Variants in DDX19A observed in about 807,000 individuals in gnomAD.
The protein encoded by DDX19A is ATP-dependent RNA helicase DDX19A.
A neutral mutation model predicts 60.6 loss-of-function variants in DDX19A; 12 were observed. The observed-to-expected ratio is 0.20, with a 90% CI of 0.13 to 0.32. The LOEUF (loss-of-function observed/expected upper bound fraction) is 0.32. Ranked by LOEUF, DDX19A falls within the 10% of genes least tolerant of loss-of-function variation. The pLI is 1.00. For synonymous variants in DDX19A, 206 were observed against 218.2 expected (o/e 0.94, Z 0.49); for missense variants, 337 against 600.6 (o/e 0.56, Z 4.59).
intron 1 of DDX19A, among the ~76,000 whole-genome samples, chr16:70,349,711 G>A (rs969913277): frequency 5.9e-5 from 9 of 152,164 alleles, no homozygotes; most frequent in Non-Finnish European, 8.8e-5. Context: ...AAAATCTAGC[G>A]TTTAGCATCA....
At chr16:70,349,353 A>G (rs1223749652) in intron 1 of DDX19A, among the ~76,000 whole-genome samples, 1 of 152,206 alleles carries the variant, frequency 6.6e-6, no homozygotes, top group Non-Finnish European at 1.5e-5. Flanking sequence ...AGCATGTACC[A>G]GAATTCCAGA....
At chr16:70,363,012 TC>T (rs993344252) in intron 5 of DDX19A, among the ~76,000 whole-genome samples, 15 of 131,122 alleles carry the variant, frequency 1.1e-4, no homozygotes, top group Non-Finnish European at 2.1e-4. Context: ...AGACTCTGTC[TC>T]AAAAAAAAAA....
rs528028695 is a variant in DDX19A, at chr16:70,361,188, A to G, written c.294-230A>G. On this transcript the variant is annotated intron_variant, in intron 4 of 11. Transcript: ENST00000302243. ...ATTAATTTCTCTAAGAAAAGAAACC[A>G]TTCTGTATTTTATGAATTATAGAAT... Among the ~76,000 whole-genome samples the G allele has an allele frequency of 9.8e-5, 15 of 152,340 alleles. No individual in the cohort carries two copies. The East Asian group carries it at 2.9e-3, about 29-fold the overall frequency.
intron 4 of DDX19A, among the ~76,000 whole-genome samples, chr16:70,360,045 C>T (rs896587622): frequency 6.6e-6 from 1 of 152,018 alleles, no homozygotes; most frequent in African/African-American, 2.4e-5. Flanking sequence ...CTTTGGGAGG[C>T]CGAGGCAGGT....
At chr16:70,363,041 A>G (rs931604037) in intron 5 of DDX19A, among the ~76,000 whole-genome samples, 7 of 149,740 alleles carry the variant, frequency 4.7e-5, no homozygotes, top group Admixed American at 2.0e-4. Flanking sequence ...TTGTAGAGAC[A>G]GGGTATCACT....
intron 9 of DDX19A, among the ~76,000 whole-genome samples, chr16:70,368,844 C>T (rs1964595105): frequency 6.6e-6 from 1 of 152,142 alleles, no homozygotes; most frequent in Admixed American, 6.6e-5. Flanking sequence ...CCTCTCATTA[C>T]AATGACATCT....
In DDX19A at chr16:70,372,166, T is replaced by C. The variant is rs2047283666; in HGVS notation, c.*180T>C. On this transcript the variant is annotated 3_prime_UTR_variant, in exon 12 of 12. Coordinates refer to ENST00000302243, the MANE Select transcript of DDX19A (RefSeq NM_018332.5). ...AATAGGTGCAAATGATGGGGGGCAATAGAAGAAAAAATTTGCATTTTGGAA... is the reference window on the plus strand; with the variant it reads ...AATAGGTGCAAATGATGGGGGGCAACAGAAGAAAAAATTTGCATTTTGGAA... 4 of 1,061,162 alleles carry C rather than the reference T, an allele frequency of 3.8e-6. No individual in the cohort carries two copies. The highest frequency in any genetic ancestry group is 4.1e-6 in the Non-Finnish European group (3 of 732,880). 65.7% of individuals were successfully genotyped at this position (1,061,162 alleles called of 1,614,324 possible). A position where few individuals can be genotyped will look rare whatever the true frequency, so the allele number is the denominator to read the frequency against.
At chr16:70,355,567 C>T (rs1045973298) in intron 3 of DDX19A, 32 bp downstream of exon 3, 9 of 1,593,840 alleles carry the variant, frequency 5.6e-6, no homozygotes, top group East Asian at 2.2e-5. Context: ...TGGCAAGAGA[C>T]GGTATGACCC....
intron 10 of DDX19A, chr16:70,371,163 T>C: frequency 1.2e-6 from 1 of 812,092 alleles, no homozygotes; most frequent in Non-Finnish European, 1.9e-6. Flanking sequence ...ACTGATCTCA[T>C]GATTTTGTTG....
intron 5 of DDX19A, 129 bp from the exon 6 acceptor site, chr16:70,364,414 C>T: frequency 3.1e-6 from 2 of 653,382 alleles, no homozygotes; most frequent in Non-Finnish European, 5.4e-6. Flanking sequence ...AATTTGTGCT[C>T]AATGGAGAAA....
chr16:70,366,003 C>T (rs1964507781), intron 7 of DDX19A, 82 bp from the exon 8 acceptor site: 2 of 1,599,950 alleles, frequency 1.3e-6, no homozygotes. Flanking sequence ...TTCTCCTAGT[C>T]CTAGAAGGAT....
At chr16:70,360,318 T>TTTCC (rs1223006733) in intron 4 of DDX19A, among the ~76,000 whole-genome samples, 1 of 139,906 alleles carries the variant, frequency 7.1e-6, no homozygotes, top group Non-Finnish European at 1.5e-5. Flanking sequence ...TCTTTCTTTC[T>TTTCC]TTCTTTTTTT....
intron 4 of DDX19A, 61 bp from the exon 5 acceptor site, chr16:70,361,357 C>G: frequency 8.3e-7 from 1 of 1,205,218 alleles, no homozygotes. Flanking sequence ...AGATAAGATT[C>G]TAGGCCTCTA....
chr16:70,352,198 G>A (rs761050421), intron 2 of DDX19A, among the ~76,000 whole-genome samples: 4 of 151,592 alleles, frequency 2.6e-5, no homozygotes, highest in African/African-American at 4.9e-5. Context: ...AAAACGTGGC[G>A]TGATATATAC....
Position 70,372,230 on chromosome 16 carries a change from C to G in DDX19A, c.*244C>G. 1.7e-6 allele frequency: 1 copy of G among 605,414 alleles called. No individual in the cohort carries two copies. Among genetic ancestry groups the G allele is most frequent in the Non-Finnish European group, 2.9e-6 (1 of 344,876 alleles). The allele number at this position is 605,414 out of a possible 1,614,324, so 37.5% of individuals were successfully genotyped here. A position where few individuals can be genotyped will look rare whatever the true frequency, so the allele number is the denominator to read the frequency against. ...CCCCACTTTTTTAAAGCCACATTCC[C>G]CCATCTTTATAATAATCTGGTCACA... On this transcript the variant is annotated 3_prime_UTR_variant, in exon 12 of 12. Coordinates refer to ENST00000302243, the MANE Select transcript of DDX19A (RefSeq NM_018332.5).
Position 70,365,010 on chromosome 16 carries a change from C to T in DDX19A, c.490-7C>T. On this transcript the variant is annotated splice_region_variant and splice_polypyrimidine_tract_variant and intron_variant, in intron 6 of 11. Transcript: ENST00000302243. ...CCTAAACTCATCCTTTATGATTTTT[C>T]TGTCAGTGTCTGTGCCTCTCCCCAA... 1 of 1,611,410 alleles carries T rather than the reference C, an allele frequency of 6.2e-7. No individual in the cohort carries two copies. The highest frequency in any genetic ancestry group is 8.5e-7 in the Non-Finnish European group (1 of 1,177,898).
chr16:70,348,629 A>G lies in DDX19A; in HGVS notation c.57+1581A>G, dbSNP rs1182306571. Reference sequence around the variant, plus strand: ...GCTACTGAGTGAGACTCTGTCTCAAAAAAAAAAAAAAAAAAAAAAAGAGGT... The same window carrying G: ...GCTACTGAGTGAGACTCTGTCTCAAGAAAAAAAAAAAAAAAAAAAAGAGGT... On this transcript the variant is annotated intron_variant, in intron 1 of 11. Coordinates refer to ENST00000302243, the MANE Select transcript of DDX19A (RefSeq NM_018332.5). 8.5e-5 allele frequency among the ~76,000 whole-genome samples: 3 copies of G among 35,244 alleles called. No individual in the cohort carries two copies. The East Asian group carries it at 9.0e-3, about 106-fold the overall frequency. 23.1% of individuals were successfully genotyped at this position (35,244 alleles called of 152,430 possible). A position where few individuals can be genotyped will look rare whatever the true frequency, so the allele number is the denominator to read the frequency against.
intron 2 of DDX19A, among the ~76,000 whole-genome samples, chr16:70,353,360 T>C (rs1299961651): frequency 6.6e-6 from 1 of 151,880 alleles, no homozygotes; most frequent in African/African-American, 2.4e-5. Flanking sequence ...GGCAATCCGC[T>C]CGCTTGGCCT....
At chr16:70,369,134 T>C (rs1964605197) in intron 9 of DDX19A, among the ~76,000 whole-genome samples, 1 of 151,098 alleles carries the variant, frequency 6.6e-6, no homozygotes. Flanking sequence ...CCCAAAGTGC[T>C]GGGATTACAG....
Sources: allele counts gnomAD v4.1 joint callset (sites outside exome capture counted in the v4.1 genomes callset), GRCh38; gene constraint gnomAD v4.1.1; transcripts MANE v1.5; gene names NCBI Gene and HGNC (gene_info 2026-07-23, HGNC 2026-07-21).